Variants in ST3GAL1 observed in about 807,000 individuals in gnomAD.
ST3GAL1 encodes CMP-N-acetylneuraminate-beta-galactosamide-alpha-2,3-sialyltransferase 1.
A neutral mutation model predicts 34.1 loss-of-function variants in ST3GAL1; 16 were observed. That is an observed-to-expected ratio of 0.47 (90% CI 0.32 to 0.71). ST3GAL1 has a LOEUF of 0.71. Ranked by LOEUF, ST3GAL1 falls within the 30% of genes least tolerant of loss-of-function variation. The pLI, the probability that ST3GAL1 is intolerant of heterozygous loss-of-function variation, is 0.04. For missense variants in ST3GAL1, 353 were observed against 447.4 expected (o/e 0.79, Z 1.90); for synonymous variants, 191 against 184.7 (o/e 1.03, Z -0.28).
chr8:133,487,979 A>AT (rs56411613), intron 3 of ST3GAL1: 1 of 150,926 alleles, frequency 6.6e-6, no homozygotes, highest in African/African-American at 2.4e-5. Flanking sequence ...AAAAAAAAAA[A>AT]GGAGAGAGAA....
At chr8:133,491,495 G>A (rs968152130) in intron 3 of ST3GAL1, among the ~76,000 whole-genome samples, 4 of 152,182 alleles carry the variant, frequency 2.6e-5, no homozygotes, top group Non-Finnish European at 4.4e-5. Context: ...ATAAAGGAAG[G>A]GCTGGAGGTG....
intron 2 of ST3GAL1, among the ~76,000 whole-genome samples, chr8:133,505,247 C>T (rs1047938974): frequency 6.6e-6 from 1 of 152,148 alleles, no homozygotes; most frequent in Admixed American, 6.5e-5. Flanking sequence ...ATAGTGTCTC[C>T]TTCCAGAGCA....
intron 3 of ST3GAL1, among the ~76,000 whole-genome samples, chr8:133,479,971 G>T (rs553163721): frequency 1.1e-4 from 17 of 152,328 alleles, no homozygotes; most frequent in African/African-American, 4.1e-4. Context: ...AGGCATGGGG[G>T]AATGCCAGCC....
chr8:133,457,127 GC>G lies in ST3GAL1; in HGVS notation c.*2636del, dbSNP rs1242052631. On this transcript the variant is annotated 3_prime_UTR_variant, in exon 10 of 10. Transcript: ENST00000522652. Reference sequence around the variant, plus strand: ...CCTGTCACGCTCCACTCCCCACCCAGCTGCAATGTGGCCTTGATTTTCTCAT... The same window carrying G: ...CCTGTCACGCTCCACTCCCCACCCAGTGCAATGTGGCCTTGATTTTCTCAT... The G allele has an allele frequency of 6.6e-6, 1 of 152,252 alleles. No homozygotes were observed. The highest frequency in any genetic ancestry group is 1.5e-5 in the Non-Finnish European group (1 of 68,086). The allele number at this position is 152,252 out of a possible 1,614,324, so 9.4% of individuals were successfully genotyped here.
chr8:133,491,723 C>T (rs921756710), intron 3 of ST3GAL1, among the ~76,000 whole-genome samples: 1 of 152,190 alleles, frequency 6.6e-6, no homozygotes, highest in Non-Finnish European at 1.5e-5. Context: ...GCATGCAGCA[C>T]CCTCCAGGGT....
At chr8:133,499,334 C>T (rs1817074155) in intron 2 of ST3GAL1, 145 bp from the exon 3 acceptor site, 1 of 152,186 alleles carries the variant, frequency 6.6e-6, no homozygotes, top group South Asian at 2.1e-4. Flanking sequence ...TTTCAAGCCA[C>T]TCAGTGTGGG....
At chr8:133,551,152 G>A (rs1247417965) in intron 1 of ST3GAL1, among the ~76,000 whole-genome samples, 2 of 152,152 alleles carry the variant, frequency 1.3e-5, no homozygotes, top group Non-Finnish European at 2.9e-5. Flanking sequence ...GCCCCTAGGG[G>A]ACACTGGTCA....
chr8:133,494,751 A>G (rs1238993418), intron 3 of ST3GAL1, among the ~76,000 whole-genome samples: 8 of 151,846 alleles, frequency 5.3e-5, no homozygotes, highest in Non-Finnish European at 1.2e-4. Flanking sequence ...CAGGCCAAGC[A>G]CAGGACCTAC....
chr8:133,475,790 T>G lies in ST3GAL1; in HGVS notation c.235A>C (p.Asn79His), dbSNP rs768742158. 1 of 1,614,034 alleles carries G rather than the reference T, an allele frequency of 6.2e-7. No individual in the cohort carries two copies. Among genetic ancestry groups the G allele is most frequent in the Non-Finnish European group, 8.5e-7 (1 of 1,179,994 alleles). ...GTCAGCAGCGGCTGCATGGTCTGGT[T>G]GAACCTCTCATCGAACCAGGCCGAG... Reference protein sequence around the residue: ...KLSAWFDERFNQTMQPLLTAQ... With the variant: ...KLSAWFDERFHQTMQPLLTAQ... The change falls in exon 5 of 10, where the codon AAC becomes CAC. Residue 79 changes from asparagine (N) to histidine (H), a missense_variant. Coordinates refer to ENST00000522652, the MANE Select transcript of ST3GAL1 (RefSeq NM_173344.3).
At chr8:133,565,040 G>A (rs375006809) in intron 1 of ST3GAL1, among the ~76,000 whole-genome samples, 63 of 152,306 alleles carry the variant, frequency 4.1e-4, no homozygotes, top group African/African-American at 1.3e-3. Flanking sequence ...CCTTAGGCAA[G>A]GGGGTTACCC....
chr8:133,489,579 G>A (rs1816725331), intron 3 of ST3GAL1: 1 of 152,304 alleles, frequency 6.6e-6, no homozygotes, highest in Non-Finnish European at 1.5e-5. Flanking sequence ...CACTGATAGG[G>A]TCTTTGGCAG....
intron 1 of ST3GAL1, among the ~76,000 whole-genome samples, chr8:133,563,566 C>T (rs1233874086): frequency 1.3e-5 from 2 of 152,142 alleles, no homozygotes; most frequent in Non-Finnish European, 2.9e-5. Flanking sequence ...GCCATGTCCT[C>T]GAGATGTGGC....
At chr8:133,480,283 A>G (rs1816332591) in intron 3 of ST3GAL1, among the ~76,000 whole-genome samples, 1 of 152,200 alleles carries the variant, frequency 6.6e-6, no homozygotes, top group Non-Finnish European at 1.5e-5. Flanking sequence ...GAATTTCCCT[A>G]AGGAGAGTCC....
intron 2 of ST3GAL1, among the ~76,000 whole-genome samples, chr8:133,540,712 C>CATATATATATACAGACAT (rs1818440215): frequency 9.4e-6 from 1 of 106,104 alleles, no homozygotes; most frequent in Non-Finnish European, 1.9e-5. Flanking sequence ...TATATACAGA[C>CATATATATATACAGACAT]ATATATATAT....
In ST3GAL1 at chr8:133,477,995, T is replaced by C. The variant is rs1163189844; in HGVS notation, c.-373-1395A>G. Among the ~76,000 whole-genome samples, 4 of 152,204 alleles carry C rather than the reference T, an allele frequency of 2.6e-5. No individual in the cohort carries two copies. The East Asian group carries it at 7.7e-4, about 29-fold the overall frequency. ...GCCCAAGATGCATAGGGTGCAACCC[T>C]CTACAGCTTCCAGAACTAGAAGCCC... On this transcript the variant is annotated intron_variant, in intron 3 of 9. Coordinates refer to ENST00000522652, the MANE Select transcript of ST3GAL1 (RefSeq NM_173344.3).
rs1401518724 is a variant in ST3GAL1 at position 133,456,009 on chromosome 8, C to T, written c.*3755G>A. ...AAGAATCACCCAGATCTTAACTGCC[C>T]TCTCCACCTTCTTTTTTTTTTTCCC... On this transcript the variant is annotated 3_prime_UTR_variant, in exon 10 of 10. Transcript: ENST00000522652. 1 of 139,512 alleles carries T rather than the reference C, an allele frequency of 7.2e-6. No homozygotes were observed. Among genetic ancestry groups the T allele is most frequent in the Non-Finnish European group, 1.5e-5 (1 of 64,858 alleles). The allele number at this position is 139,512 out of a possible 1,614,324, so 8.6% of individuals were successfully genotyped here.
At chr8:133,496,216 GC>G (rs1816942513) in intron 3 of ST3GAL1, among the ~76,000 whole-genome samples, 1 of 152,180 alleles carries the variant, frequency 6.6e-6, no homozygotes, top group South Asian at 2.1e-4. Context: ...TATTTTTCCA[GC>G]TGAGTAAGAT....
At chr8:133,465,119 T>C (rs553878292) in intron 6 of ST3GAL1, among the ~76,000 whole-genome samples, 162 bp from the exon 7 acceptor site, 5 of 152,132 alleles carry the variant, frequency 3.3e-5, no homozygotes, top group Admixed American at 2.0e-4. Flanking sequence ...AATGAAGACA[T>C]AGCTGGAAGG....
chr8:133,465,165 G>C (rs1050332343), intron 6 of ST3GAL1, among the ~76,000 whole-genome samples: 4 of 152,074 alleles, frequency 2.6e-5, no homozygotes, highest in Admixed American at 1.3e-4. Context: ...GACCTCAAGG[G>C]AGTCTAGCCA....
Sources: allele counts gnomAD v4.1 joint callset (sites outside exome capture counted in the v4.1 genomes callset), GRCh38; gene constraint gnomAD v4.1.1; transcripts MANE v1.5; gene names NCBI Gene and HGNC (gene_info 2026-07-23, HGNC 2026-07-21).